Variants in COBLL1 observed in about 807,000 individuals in gnomAD.
COBLL1 encodes the protein cordon-bleu WH2 repeat protein like 1.
In COBLL1, 50 loss-of-function variants were observed where a neutral mutation model predicts 94.8. That is an observed-to-expected ratio of 0.53 (90% confidence interval 0.42 to 0.67). COBLL1 has a LOEUF of 0.67. COBLL1 is among the 30% of genes least tolerant of loss of function. The pLI is 0.00. For synonymous variants in COBLL1, 448 were observed against 473.8 expected (o/e 0.95, Z 0.71); for missense variants, 1,362 against 1,348.7 (o/e 1.01, Z -0.15).
At chr2:164,660,359 G>A (rs542136952) in intron 2 of COBLL1, among the ~76,000 whole-genome samples, 1 of 152,220 alleles carries the variant, frequency 6.6e-6, no homozygotes, top group South Asian at 2.1e-4. Context: ...TGTTCCTCTT[G>A]GGGGAAAGTA....
chr2:164,690,658 G>A (rs545092212), intron 13 of COBLL1, among the ~76,000 whole-genome samples: 1 of 152,272 alleles, frequency 6.6e-6, no homozygotes, highest in Non-Finnish European at 1.5e-5. Flanking sequence ...ATCAGTTTCT[G>A]TGTAGTAACT....
intron 2 of COBLL1, among the ~76,000 whole-genome samples, chr2:164,827,061 G>A (rs532313647): frequency 2.6e-4 from 39 of 151,958 alleles, no homozygotes; most frequent in African/African-American, 7.7e-4. Flanking sequence ...AGAGACTCTC[G>A]CTCCAGAGCC....
chr2:164,705,753 G>T (rs1248392779), intron 7 of COBLL1, among the ~76,000 whole-genome samples: 1 of 152,168 alleles, frequency 6.6e-6, no homozygotes, highest in Non-Finnish European at 1.5e-5. Flanking sequence ...TGTTCAGGTG[G>T]CTCACACCTG....
At chr2:164,822,945 A>C (rs1398737844) in intron 2 of COBLL1, among the ~76,000 whole-genome samples, 2 of 151,800 alleles carry the variant, frequency 1.3e-5, no homozygotes, top group African/African-American at 4.8e-5. Flanking sequence ...ATTTTTGTAT[A>C]TTTAGGAGAG....
At chr2:164,798,627 G>A (rs530962967) in intron 2 of COBLL1, among the ~76,000 whole-genome samples, 3 of 152,138 alleles carry the variant, frequency 2.0e-5, no homozygotes, top group Middle Eastern at 3.4e-3. Flanking sequence ...CAATACTCAG[G>A]GGGACTATCT....
At chr2:164,769,176 G>A (rs1558997102) in intron 2 of COBLL1, among the ~76,000 whole-genome samples, 4 of 151,928 alleles carry the variant, frequency 2.6e-5, no homozygotes, top group East Asian at 1.9e-4. Context: ...AAAAAATCTC[G>A]TTTCTTAAAA....
intron 3 of COBLL1, among the ~76,000 whole-genome samples, chr2:164,732,914 G>A (rs1025078427): frequency 7.7e-4 from 117 of 152,272 alleles, no homozygotes; most frequent in African/African-American, 2.7e-3. Context: ...AATTAGCCAG[G>A]CATGGTGGCA....
intron 2 of COBLL1, among the ~76,000 whole-genome samples, chr2:164,829,956 A>G (rs1398529497): frequency 6.6e-6 from 1 of 152,178 alleles, no homozygotes; most frequent in Non-Finnish European, 1.5e-5. Context: ...ACATAGGTCC[A>G]TATTGGTGTG....
At chr2:164,744,496 C>A (rs1167297094) in intron 2 of COBLL1, among the ~76,000 whole-genome samples, 1 of 152,100 alleles carries the variant, frequency 6.6e-6, no homozygotes, top group Non-Finnish European at 1.5e-5. Flanking sequence ...CAACTCTCTA[C>A]CTACATTTAT....
chr2:164,841,951 A>C (rs2105407156), upstream of COBLL1: 2 of 1,535,846 alleles, frequency 1.3e-6, no homozygotes, highest in South Asian at 1.2e-5. The surrounding 1 kb of genome is among the most constrained non-coding windows in gnomAD (Gnocchi z 5.5). Context: ...CCGCTCTCTC[A>C]CTCACCCTGC....
At chr2:164,776,662 T>G (rs999464103) in intron 2 of COBLL1, among the ~76,000 whole-genome samples, 2 of 152,084 alleles carry the variant, frequency 1.3e-5, no homozygotes, top group African/African-American at 4.8e-5. Flanking sequence ...AGACACCTTC[T>G]CAGTCTTCTC....
At chr2:164,839,340 C>A (rs1264900413) in intron 2 of COBLL1, among the ~76,000 whole-genome samples, 1 of 152,134 alleles carries the variant, frequency 6.6e-6, no homozygotes, top group African/African-American at 2.4e-5. Flanking sequence ...TACTGGTAAA[C>A]CCAACACTTT....
intron 1 of COBLL1, among the ~76,000 whole-genome samples, chr2:164,674,063 T>C (rs185373587): frequency 2.0e-5 from 3 of 152,224 alleles, no homozygotes; most frequent in African/African-American, 7.2e-5. Flanking sequence ...TTGTTTTTTG[T>C]TGTTGTTGTT....
chr2:164,777,428 C>T (rs17247244), intron 2 of COBLL1, among the ~76,000 whole-genome samples: 17,308 of 151,738 alleles, frequency 0.11, 1,327 homozygotes, highest in Admixed American at 0.17. Context: ...ATTTTCTTTG[C>T]GTACCTTCCT....
At chr2:164,818,587 T>C (rs1354209340) in intron 2 of COBLL1, among the ~76,000 whole-genome samples, 1 of 148,050 alleles carries the variant, frequency 6.8e-6, no homozygotes, top group Non-Finnish European at 1.5e-5. Context: ...TGTACATATG[T>C]ACACATATAT....
intron 2 of COBLL1, among the ~76,000 whole-genome samples, chr2:164,816,331 T>C (rs1387290208): frequency 6.6e-6 from 1 of 151,996 alleles, no homozygotes; most frequent in Non-Finnish European, 1.5e-5. Flanking sequence ...CTGAAAAGAA[T>C]GTGGGTGAAA....
At chr2:164,837,809 C>T (rs13011569) in intron 2 of COBLL1, among the ~76,000 whole-genome samples, 11,505 of 152,120 alleles carry the variant, frequency 0.076, 480 homozygotes, top group Middle Eastern at 0.095. Flanking sequence ...AAACTCTTAA[C>T]CTCATAACGA....
chr2:164,803,564 C>A (rs1431752181), intron 2 of COBLL1, among the ~76,000 whole-genome samples: 12 of 140,972 alleles, frequency 8.5e-5, no homozygotes, highest in Admixed American at 1.4e-4. Flanking sequence ...GACTCTGTCT[C>A]AAAAATAAAT....
Position 164,694,765 on chromosome 2 carries a change from G to A in COBLL1, c.2627C>T (p.Ser876Leu), listed in dbSNP as rs147994447. 98 of 1,613,682 alleles carry A rather than the reference G, an allele frequency of 6.1e-5. No individual in the cohort carries two copies. The East Asian group carries it at 8.0e-4, about 13-fold the overall frequency. The change falls in exon 12 of 14, where the codon TCG becomes TTG. Residue 876 changes from serine to leucine, a missense_variant. Physicochemically the swap from Ser to Leu is moderately radical, Grantham distance 145. Transcript: ENST00000652658. ...AGCTGCAGATGTCACATAGTGACCC[G>A]ATACTCTCTTCTGCATCTGCAAAAA... ...SFFLQMQKRV[S>L]GHYVTSAAAK... is the part of the protein sequence containing the mutation.
Sources: gnomAD v4.1 joint callset for allele counts (sites outside exome capture counted in the v4.1 genomes callset) on GRCh38, gnomAD v4.1.1 for gene constraint, Gnocchi (gnomAD v3.1) non-coding constraint, MANE v1.5 for transcripts, NCBI Gene and HGNC (gene_info 2026-07-23, HGNC 2026-07-21) for gene names.